The following FSTL4 variants were observed in gnomAD, a reference collection of about 807,000 sequenced individuals.
FSTL4 encodes follistatin-related protein 4.
A neutral mutation model predicts 78.2 loss-of-function variants in FSTL4; 28 were observed. The ratio of observed to expected loss-of-function variants is 0.36; its 90% CI spans 0.27 to 0.49. The LOEUF (loss-of-function observed/expected upper bound fraction) is 0.49, where lower values mean the gene tolerates loss of function less well. Among genes scored for constraint, FSTL4 ranks in the 20% least tolerant of loss-of-function variants. FSTL4 has a pLI of 0.98. For synonymous variants in FSTL4, 422 were observed against 440.5 expected, an observed-to-expected ratio of 0.96 and a Z score of 0.53; for missense variants, 922 against 1,084.9, an observed-to-expected ratio of 0.85 and a Z score of 2.11.
chr5:133,569,981 G>A lies in FSTL4; in HGVS notation c.127-2762C>T, dbSNP rs1043862189. ...TCCCAGCACTTTGGGAGGCTGAGGC[G>A]GGCGGATCATGAGGTCAGGAGATTG... On this transcript the variant is annotated intron_variant, in intron 2 of 15. Transcript: ENST00000265342. Among the ~76,000 whole-genome samples the A allele has an allele frequency of 1.4e-4, 21 of 151,982 alleles. No homozygotes were observed. In the South Asian group the frequency reaches 1.9e-3, roughly 14 times the overall value.
chr5:133,477,789 T>G (rs1411127454), intron 3 of FSTL4, among the ~76,000 whole-genome samples: 1 of 134,086 alleles, frequency 7.5e-6, no homozygotes, highest in East Asian at 1.9e-4. Context: ...CAAAAAATGT[T>G]TTTTTTTCTT....
the FSTL4 span, among the ~76,000 whole-genome samples, chr5:133,674,669 TG>T: frequency 6.6e-6 from 1 of 152,038 alleles, no homozygotes; most frequent in East Asian, 1.9e-4. Context: ...CGACCTTTTT[TG>T]GTTCTGCTCC....
intron 3 of FSTL4, among the ~76,000 whole-genome samples, chr5:133,418,623 T>G (rs992715934): frequency 2.6e-5 from 4 of 152,188 alleles, no homozygotes; most frequent in African/African-American, 9.7e-5. Flanking sequence ...AATGCTACCT[T>G]AACTCATGAA....
At chr5:133,510,532 C>T (rs544716570) in intron 3 of FSTL4, among the ~76,000 whole-genome samples, 1 of 152,032 alleles carries the variant, frequency 6.6e-6, no homozygotes, top group Admixed American at 6.6e-5. Context: ...CAACAATGTT[C>T]CCAGCCTTCC....
At chr5:133,228,345 T>C (rs1751395314) in intron 8 of FSTL4, among the ~76,000 whole-genome samples, 1 of 152,222 alleles carries the variant, frequency 6.6e-6, no homozygotes. Flanking sequence ...TGACAAGTTT[T>C]ATCAGACAAT....
At chr5:133,600,078 A>G (rs960309642) in intron 2 of FSTL4, among the ~76,000 whole-genome samples, 2 of 152,160 alleles carry the variant, frequency 1.3e-5, no homozygotes, top group African/African-American at 4.8e-5. Context: ...TTGACTTAGG[A>G]TTTTTCAACA....
chr5:133,394,191 C>T (rs1252144547), intron 4 of FSTL4, among the ~76,000 whole-genome samples: 2 of 152,258 alleles, frequency 1.3e-5, no homozygotes, highest in East Asian at 1.9e-4. Context: ...TGAGAGGTGA[C>T]AGCATGCTGG....
At chr5:133,352,347 TATATATACAC>T in intron 4 of FSTL4, among the ~76,000 whole-genome samples, 1 of 141,140 alleles carries the variant, frequency 7.1e-6, no homozygotes, top group African/African-American at 2.7e-5. Context: ...TATATACACA[TATATATACAC>T]ACACATATAT....
chr5:133,253,390 G>A (rs538405398), intron 6 of FSTL4, among the ~76,000 whole-genome samples: 1 of 152,216 alleles, frequency 6.6e-6, no homozygotes, highest in East Asian at 1.9e-4. Context: ...CTGTCACTGG[G>A]CCTCAGTTTA....
At chr5:133,577,259 C>T (rs913362002) in intron 2 of FSTL4, among the ~76,000 whole-genome samples, 1 of 152,180 alleles carries the variant, frequency 6.6e-6, no homozygotes, top group Admixed American at 6.5e-5. Context: ...AGGGTCTAAA[C>T]ACCCCCTGCT....
At chr5:133,441,727 A>G (rs2127003455) in intron 3 of FSTL4, among the ~76,000 whole-genome samples, 1 of 152,314 alleles carries the variant, frequency 6.6e-6, no homozygotes, top group South Asian at 2.1e-4. Flanking sequence ...TGTTGCCACC[A>G]GAGCCCACTC....
chr5:133,200,370 A>G (rs1195176353), intron 15 of FSTL4, among the ~76,000 whole-genome samples: 1 of 152,232 alleles, frequency 6.6e-6, no homozygotes, highest in African/African-American at 2.4e-5. Flanking sequence ...CTCTGACCAC[A>G]TTGGTGATGC....
chr5:133,623,609 A>G, the FSTL4 span, among the ~76,000 whole-genome samples: 1 of 152,118 alleles, frequency 6.6e-6, no homozygotes, highest in Non-Finnish European at 1.5e-5. Flanking sequence ...CTTAGATATA[A>G]CACAAAAAGC....
intron 4 of FSTL4, among the ~76,000 whole-genome samples, chr5:133,376,989 T>C (rs1755450741): frequency 6.6e-6 from 1 of 152,006 alleles, no homozygotes; most frequent in Non-Finnish European, 1.5e-5. Flanking sequence ...GCCAGCTAAA[T>C]GTGAAGGAAG....
chr5:133,698,456 G>C, the FSTL4 span, among the ~76,000 whole-genome samples: 1 of 152,214 alleles, frequency 6.6e-6, no homozygotes, highest in South Asian at 2.1e-4. Context: ...TGGTGGGGTG[G>C]GTGGGGAGCA....
chr5:133,257,413 C>A (rs1752407949), intron 6 of FSTL4, among the ~76,000 whole-genome samples: 1 of 152,184 alleles, frequency 6.6e-6, no homozygotes, highest in Non-Finnish European at 1.5e-5. Flanking sequence ...GTAGTATCCT[C>A]CTTGTTTGCA....
intron 6 of FSTL4, among the ~76,000 whole-genome samples, chr5:133,301,693 T>A (rs577297481): frequency 6.6e-6 from 1 of 152,138 alleles, no homozygotes; most frequent in African/African-American, 2.4e-5. Flanking sequence ...AAATTGCCCA[T>A]GCCATCTGGA....
At chr5:133,644,784 C>G in the FSTL4 span, among the ~76,000 whole-genome samples, 2 of 152,160 alleles carry the variant, frequency 1.3e-5, no homozygotes, top group Non-Finnish European at 2.9e-5. Context: ...AGGCTGACCT[C>G]TATGGATTGT....
intron 3 of FSTL4, among the ~76,000 whole-genome samples, chr5:133,553,987 T>C (rs765694923): frequency 1.5e-4 from 23 of 152,206 alleles, no homozygotes; most frequent in Admixed American, 3.3e-4. Context: ...CCTCTGCTAC[T>C]CACTAGCCCC....
Sources: gnomAD v4.1 joint callset for allele counts (sites outside exome capture counted in the v4.1 genomes callset) on GRCh38, gnomAD v4.1.1 for gene constraint, MANE v1.5 for transcripts, NCBI Gene and HGNC (gene_info 2026-07-23, HGNC 2026-07-21) for gene names.